DCC: variants seen among roughly 807,000 people sequenced by gnomAD.
The protein encoded by DCC is netrin receptor DCC.
A neutral mutation model predicts 172.5 loss-of-function variants in DCC; 58 were observed. The observed-to-expected ratio is 0.34, with a 90% confidence interval of 0.27 to 0.42. The LOEUF is 0.42. Among genes scored for constraint, DCC ranks in the 10% least tolerant of loss-of-function variants. The probability of loss-of-function intolerance (pLI) is 1.00; values close to 1 mark genes in which losing one functional copy is unlikely to be tolerated. For missense variants in DCC, 1,740 were observed against 1,791.0 expected (o/e 0.97, Z 0.51); for synonymous variants, 709 against 644.5 (o/e 1.10, Z -1.52).
chr18:52,584,821 C>T lies in DCC; in HGVS notation c.92-167233C>T, dbSNP rs373583762. On this transcript the variant is annotated intron_variant, in intron 1 of 28. Transcript: ENST00000442544. Reference sequence around the variant, plus strand: ...TTCCAAAGTGTTAGGATTACCGAGACGAGCCACTGCACCCAGCCTAAACCA... The same window carrying T: ...TTCCAAAGTGTTAGGATTACCGAGATGAGCCACTGCACCCAGCCTAAACCA... Among the ~76,000 whole-genome samples the T allele has an allele frequency of 2.2e-4, 33 of 151,842 alleles. No homozygotes were observed. The East Asian group carries it at 5.6e-3, about 26-fold the overall frequency.
intron 5 of DCC, among the ~76,000 whole-genome samples, chr18:53,007,346 C>T (rs2041661832): frequency 6.6e-6 from 1 of 152,074 alleles, no homozygotes; most frequent in Admixed American, 6.6e-5. Context: ...AGCAATCAAA[C>T]CACAAATATA....
intron 5 of DCC, among the ~76,000 whole-genome samples, chr18:52,962,808 A>C (rs891887445): frequency 5.3e-5 from 8 of 152,036 alleles, no homozygotes; most frequent in African/African-American, 1.9e-4. Context: ...CTTTGTAGGG[A>C]CATGGATGAA....
At chr18:53,095,903 A>G (rs1568302022) in intron 7 of DCC, among the ~76,000 whole-genome samples, 1 of 151,164 alleles carries the variant, frequency 6.6e-6, no homozygotes, top group Admixed American at 6.6e-5. Context: ...TATTCCTCAA[A>G]GGTATAAATG....
intron 1 of DCC, among the ~76,000 whole-genome samples, chr18:52,439,694 G>A (rs890999685): frequency 6.6e-6 from 1 of 152,166 alleles, no homozygotes; most frequent in Non-Finnish European, 1.5e-5. Context: ...TCAACAGAGA[G>A]AGACATTTGT....
intron 1 of DCC, among the ~76,000 whole-genome samples, chr18:52,605,194 G>A (rs1035146381): frequency 1.3e-5 from 2 of 152,042 alleles, no homozygotes; most frequent in East Asian, 3.9e-4. Context: ...GATGCGGGTG[G>A]AAGCCTATTA....
intron 26 of DCC, among the ~76,000 whole-genome samples, chr18:53,495,477 G>A (rs529493601): frequency 3.9e-4 from 59 of 151,960 alleles, no homozygotes; most frequent in Non-Finnish European, 7.4e-4. Flanking sequence ...AGTTTCTGCC[G>A]AGAGATCCGC....
At chr18:53,172,790 C>T (rs1228649044) in intron 8 of DCC, among the ~76,000 whole-genome samples, 2 of 151,984 alleles carry the variant, frequency 1.3e-5, no homozygotes, top group Non-Finnish European at 2.9e-5. Flanking sequence ...ACCCAAAGTT[C>T]CCATGATCCA....
chr18:52,437,945 T>C (rs1987849478), intron 1 of DCC, among the ~76,000 whole-genome samples: 1 of 152,218 alleles, frequency 6.6e-6, no homozygotes, highest in Non-Finnish European at 1.5e-5. Context: ...GAATGGGTAT[T>C]TAGATGCCAA....
At chr18:52,480,013 A>C (rs2029892160) in intron 1 of DCC, among the ~76,000 whole-genome samples, 1 of 152,116 alleles carries the variant, frequency 6.6e-6, no homozygotes. Context: ...TGCCCTCTAT[A>C]TAGTTCTCTT....
intron 27 of DCC, among the ~76,000 whole-genome samples, chr18:53,506,156 T>C (rs1258288139): frequency 6.6e-6 from 1 of 152,172 alleles, no homozygotes; most frequent in Admixed American, 6.5e-5. Context: ...TCTTAGGACC[T>C]TCATCGCCAC....
chr18:52,496,464 C>T (rs563350582), intron 1 of DCC, among the ~76,000 whole-genome samples: 12 of 152,166 alleles, frequency 7.9e-5, no homozygotes, highest in African/African-American at 2.2e-4. Flanking sequence ...CAGGATAAAG[C>T]CTTAAAATGC....
chr18:53,321,588 A>G (rs1291903594), intron 13 of DCC, among the ~76,000 whole-genome samples: 3 of 152,180 alleles, frequency 2.0e-5, no homozygotes, highest in African/African-American at 4.8e-5. Flanking sequence ...CAAAAGCCCT[A>G]ATATTTTCTT....
intron 5 of DCC, among the ~76,000 whole-genome samples, chr18:52,969,594 T>A (rs1362513268): frequency 1.4e-5 from 2 of 138,294 alleles, no homozygotes; most frequent in Non-Finnish European, 3.1e-5. Context: ...ACTCTCTCTC[T>A]CTCTCTCTCT....
chr18:52,636,439 G>A (rs1028071253), intron 1 of DCC, among the ~76,000 whole-genome samples: 1 of 152,084 alleles, frequency 6.6e-6, no homozygotes, highest in Non-Finnish European at 1.5e-5. Flanking sequence ...CCTGGGGCAG[G>A]TTTTCAAGCC....
chr18:53,253,840 C>A (rs2144663741), intron 12 of DCC, among the ~76,000 whole-genome samples: 1 of 152,066 alleles, frequency 6.6e-6, no homozygotes, highest in East Asian at 1.9e-4. Context: ...AAGAAATCAT[C>A]CCTTCCTCCA....
chr18:53,242,336 T>C (rs956956131), intron 12 of DCC, among the ~76,000 whole-genome samples: 7 of 152,200 alleles, frequency 4.6e-5, no homozygotes, highest in African/African-American at 1.7e-4. Flanking sequence ...CAGGAAGATA[T>C]TACTTTGTAG....
At chr18:53,382,638 A>T (rs930192719) in intron 15 of DCC, among the ~76,000 whole-genome samples, 4 of 152,124 alleles carry the variant, frequency 2.6e-5, no homozygotes, top group African/African-American at 9.6e-5. Context: ...ACAGAAATTC[A>T]TCTTCTCCAA....
At chr18:53,377,352 T>TGAGAGA (rs59629030) in intron 15 of DCC, among the ~76,000 whole-genome samples, 2,774 of 137,274 alleles carry the variant, frequency 0.02, 48 homozygotes, top group East Asian at 0.071. Context: ...AAGATGCATT[T>TGAGAGA]GAGAGAGAGA....
intron 12 of DCC, among the ~76,000 whole-genome samples, chr18:53,221,022 C>T (rs2055924510): frequency 6.6e-6 from 1 of 151,858 alleles, no homozygotes; most frequent in East Asian, 1.9e-4. Flanking sequence ...TGTGAGACTC[C>T]CTTAAGGATA....
Sources: gnomAD v4.1 joint callset for allele counts (sites outside exome capture counted in the v4.1 genomes callset) on GRCh38, gnomAD v4.1.1 for gene constraint, MANE v1.5 for transcripts, NCBI Gene and HGNC (gene_info 2026-07-23, HGNC 2026-07-21) for gene names.